CXXC5: variants seen among roughly 807,000 people sequenced by gnomAD.
The protein encoded by CXXC5 is CXXC-type zinc finger protein 5.
In CXXC5, 2 loss-of-function variants were observed where a neutral mutation model predicts 17.6. The observed-to-expected ratio is 0.11, with a 90% CI of 0.05 to 0.36. The LOEUF is 0.36. Ranked by LOEUF, CXXC5 falls within the 10% of genes least tolerant of loss-of-function variation. The pLI is 1.00. For missense variants in CXXC5, 343 were observed against 458.3 expected, an observed-to-expected ratio of 0.75 and a Z score of 2.30; for synonymous variants, 171 against 193.0, an observed-to-expected ratio of 0.89 and a Z score of 0.94.
chr5:139,650,873 TGA>T (rs1161576450), intron 1 of CXXC5: 1 of 151,938 alleles, frequency 6.6e-6, no homozygotes, highest in Non-Finnish European at 1.5e-5. Context: ...TTTCCCTAGA[TGA>T]GAGTCAGGCT....
intron 1 of CXXC5, among the ~76,000 whole-genome samples, chr5:139,677,533 T>C (rs1341622441): frequency 6.6e-6 from 1 of 152,216 alleles, no homozygotes; most frequent in Admixed American, 6.5e-5. Flanking sequence ...GATGTTCATG[T>C]CTGTCTACTC....
intron 1 of CXXC5, among the ~76,000 whole-genome samples, chr5:139,654,166 C>A (rs1184988535): frequency 2.0e-5 from 3 of 151,776 alleles, no homozygotes; most frequent in African/African-American, 7.2e-5. Context: ...TCTCCCCAAC[C>A]CCCCACGGCA....
In CXXC5 at chr5:139,680,785, A is replaced by T. The variant is rs1414156345; in HGVS notation, c.262A>T (p.Ser88Cys). The T allele has an allele frequency of 6.2e-7, 1 of 1,613,266 alleles. No individual in the cohort carries two copies. Among genetic ancestry groups the T allele is most frequent in the African/African-American group, 1.3e-5 (1 of 74,928 alleles). The change falls in exon 2 of 3, where the codon AGT becomes TGT. Residue 88 changes from serine (S) to cysteine (C), a missense_variant. By Grantham distance (112) the Ser-to-Cys change is moderately radical. Around this residue, in one of 4 missense-constraint regions of CXXC5, gnomAD observed 297 missense variants for 363.4 expected, o/e 0.82. Coordinates refer to ENST00000302517, the MANE Select transcript of CXXC5 (RefSeq NM_016463.9). ...PLSHYSSFGSSGGSGGGSMMG... is the reference protein window; with the variant it reads ...PLSHYSSFGSCGGSGGGSMMG... Reference sequence around the variant, plus strand: ...CTCCCACTACTCTTCTTTTGGCAGCAGTGGTGGTAGTGGCGGTGGCAGCAT... The same window carrying T: ...CTCCCACTACTCTTCTTTTGGCAGCTGTGGTGGTAGTGGCGGTGGCAGCAT...
chr5:139,682,376 A>G (rs1410203926), intron 2 of CXXC5, among the ~76,000 whole-genome samples: 1 of 111,610 alleles, frequency 9.0e-6, no homozygotes. Context: ...CTGCTCTCCT[A>G]TGTACACACA....
chr5:139,667,150 C>T (rs1474918664), intron 1 of CXXC5, among the ~76,000 whole-genome samples: 1 of 152,198 alleles, frequency 6.6e-6, no homozygotes, highest in East Asian at 1.9e-4. Flanking sequence ...TTCTGGGTTT[C>T]TTCAAGGTCC....
intron 1 of CXXC5, among the ~76,000 whole-genome samples, chr5:139,655,947 G>A (rs1332402679): frequency 2.0e-5 from 3 of 152,192 alleles, no homozygotes; most frequent in Non-Finnish European, 4.4e-5. Context: ...TCCAGCTGCC[G>A]GCCCCAGCAG....
rs1484067776 is a variant in CXXC5 at position 139,661,602 on chromosome 5, C to A, written c.-161+12757C>A. Among the ~76,000 whole-genome samples, 1 of 152,222 alleles carries A rather than the reference C, an allele frequency of 6.6e-6. No homozygotes were observed. ...TAGGCGTGCACACATAGGCCACTCT[C>A]ACCCCATTGGCCCCACACACTGGGG... On this transcript the variant is annotated intron_variant, in intron 1 of 2. Transcript: ENST00000302517. This position sits in a 1 kb window ranked among gnomAD's most constrained non-coding sequence, Gnocchi z 4.7.
chr5:139,667,983 G>C (rs1028607885), intron 1 of CXXC5, among the ~76,000 whole-genome samples: 1 of 152,090 alleles, frequency 6.6e-6, no homozygotes, highest in Non-Finnish European at 1.5e-5. Context: ...ATTAGTCAGC[G>C]CTCCAAGGAG....
At chr5:139,671,923 A>G (rs541692164) in intron 1 of CXXC5, among the ~76,000 whole-genome samples, 29 of 152,208 alleles carry the variant, frequency 1.9e-4, no homozygotes, top group African/African-American at 5.8e-4. Flanking sequence ...TCTGCCACTT[A>G]CTGACCTTGT....
Position 139,680,583 on chromosome 5 carries a change from T to C in CXXC5, c.60T>C (p.Asn20=). The change falls in exon 2 of 3, where the codon AAT becomes AAC. Residue 20 remains asparagine, a synonymous_variant. Transcript: ENST00000302517. The part of the protein sequence containing the change: ...DAGGSSSSST[N]GSGGSGSSGP... ...GCGGCAGTAGCAGCAGCAGCACCAA[T>C]GGCAGCGGTGGCAGTGGCAGCAGTG... The C allele has an allele frequency of 6.2e-7, 1 of 1,601,390 alleles. No homozygotes were observed. The highest frequency in any genetic ancestry group is 8.5e-7 in the Non-Finnish European group (1 of 1,175,056).
chr5:139,652,163 C>CGTGTGTGT lies in CXXC5; in HGVS notation c.-161+3319_-161+3320insTGTGTGTG, dbSNP rs1326798150. On this transcript the variant is annotated intron_variant, in intron 1 of 2. Transcript: ENST00000302517. ...CTAGCCGCCGGCGCGCGCGCGCGCG[C>CGTGTGTGT]GCGCGCGCGTGTGTGTGTGTGTGTG... Among the ~76,000 whole-genome samples the CGTGTGTGT allele has an allele frequency of 3.4e-3, 480 of 139,878 alleles. 8 individuals carry two copies. The highest frequency in any genetic ancestry group is 0.01 in the African/African-American group (387 of 37,020). 91.8% of individuals were successfully genotyped at this position (139,878 alleles called of 152,430 possible).
intron 1 of CXXC5, among the ~76,000 whole-genome samples, chr5:139,654,306 C>T (rs1035377483): frequency 2.0e-5 from 3 of 152,220 alleles, no homozygotes; most frequent in African/African-American, 7.2e-5. Context: ...CTCTAGAGTC[C>T]ATCAGATCTG....
chr5:139,678,665 C>A (rs1757002666), intron 1 of CXXC5, among the ~76,000 whole-genome samples: 1 of 152,214 alleles, frequency 6.6e-6, no homozygotes, highest in Non-Finnish European at 1.5e-5. Context: ...CAGTTTCCCC[C>A]TCTGTAAATG....
chr5:139,674,309 G>A (rs1270823516), intron 1 of CXXC5, among the ~76,000 whole-genome samples: 2 of 152,210 alleles, frequency 1.3e-5, no homozygotes, highest in Non-Finnish European at 2.9e-5. Context: ...ACCATAGCCT[G>A]TGGTCTGCTT....
intron 1 of CXXC5, among the ~76,000 whole-genome samples, chr5:139,653,311 G>A (rs1227905766): frequency 6.6e-6 from 1 of 152,192 alleles, no homozygotes; most frequent in African/African-American, 2.4e-5. Flanking sequence ...CTGGAGGGAG[G>A]GGGTTGTGCC....
chr5:139,653,933 T>G (rs980031159), intron 1 of CXXC5, among the ~76,000 whole-genome samples: 2 of 152,164 alleles, frequency 1.3e-5, no homozygotes, highest in African/African-American at 4.8e-5. Context: ...CCAGGCACAC[T>G]GGCCCCAGAG....
At chr5:139,651,156 C>T (rs1282354675) in intron 1 of CXXC5, 8 of 152,642 alleles carry the variant, frequency 5.2e-5, no homozygotes, top group Admixed American at 5.2e-4. Flanking sequence ...CATGCCACCT[C>T]CCTTTCCAAG....
intron 1 of CXXC5, among the ~76,000 whole-genome samples, chr5:139,671,129 G>C (rs1023646461): frequency 2.6e-5 from 4 of 152,218 alleles, no homozygotes; most frequent in African/African-American, 9.6e-5. Flanking sequence ...AGGACTGCCC[G>C]GCCCCTGCCC....
chr5:139,666,283 A>C (rs961579289), intron 1 of CXXC5, among the ~76,000 whole-genome samples: 1 of 152,150 alleles, frequency 6.6e-6, no homozygotes, highest in Non-Finnish European at 1.5e-5. Context: ...CCCAGGGAGG[A>C]AGCCACAGAA....
Sources: allele counts gnomAD v4.1 joint callset (sites outside exome capture counted in the v4.1 genomes callset), GRCh38; gene constraint gnomAD v4.1.1; regional missense constraint gnomAD v4.1.1; non-coding constraint Gnocchi (gnomAD v3.1); transcripts MANE v1.5; gene names NCBI Gene and HGNC (gene_info 2026-07-23, HGNC 2026-07-21).